NAV2: variants seen among roughly 807,000 people sequenced by gnomAD.
NAV2 encodes neuron navigator 2, also known as helicase, APC down-regulated 1.
NAV2 carries 54 observed loss-of-function variants against 223.2 expected under a neutral mutation model. That is an observed-to-expected ratio of 0.24 (90% CI 0.19 to 0.30). NAV2 has a LOEUF of 0.30. NAV2 is among the 10% of genes least tolerant of loss of function. The probability of loss-of-function intolerance (pLI) is 1.00; values close to 1 mark genes in which losing one functional copy is unlikely to be tolerated. For synonymous variants in NAV2, 1,279 were observed against 1,239.3 expected, an observed-to-expected ratio of 1.03 and a Z score of -0.67; for missense variants, 2,806 against 3,147.5, an observed-to-expected ratio of 0.89 and a Z score of 2.60.
At chr11:19,439,203 T>G (rs188639015) in intron 1 of NAV2, among the ~76,000 whole-genome samples, 3 of 152,288 alleles carry the variant, frequency 2.0e-5, no homozygotes, top group Non-Finnish European at 4.4e-5. Flanking sequence ...TTTTAGAAAC[T>G]CTCTGCCAGG....
At chr11:19,396,368 G>A (rs944502003) in intron 1 of NAV2, among the ~76,000 whole-genome samples, 1 of 152,158 alleles carries the variant, frequency 6.6e-6, no homozygotes, top group Non-Finnish European at 1.5e-5. Flanking sequence ...CCAGGACTCA[G>A]CCCAGTGGTG....
intron 1 of NAV2, among the ~76,000 whole-genome samples, chr11:19,449,703 C>A (rs1394441076): frequency 1.3e-5 from 2 of 152,092 alleles, no homozygotes; most frequent in African/African-American, 4.8e-5. Flanking sequence ...CTGCCTCCCT[C>A]ACCAGGTTGT....
intron 24 of NAV2, among the ~76,000 whole-genome samples, chr11:20,079,396 T>C (rs1235343058): frequency 6.6e-6 from 1 of 152,176 alleles, no homozygotes; most frequent in African/African-American, 2.4e-5. Context: ...GGCTAGAACC[T>C]GATGAGTTGG....
intron 1 of NAV2, among the ~76,000 whole-genome samples, chr11:19,449,642 C>T (rs1376933788): frequency 1.0e-3 from 25 of 24,620 alleles, no homozygotes; most frequent in East Asian, 2.2e-3. Context: ...GGTAGGGGCA[C>T]GGGGTGGGGT....
At chr11:19,870,252 G>C (rs1450961935) in intron 4 of NAV2, among the ~76,000 whole-genome samples, 1 of 152,096 alleles carries the variant, frequency 6.6e-6, no homozygotes, top group Non-Finnish European at 1.5e-5. Flanking sequence ...ATGCTTTGCT[G>C]GGGGGCGGGG....
At chr11:19,838,304 C>T (rs542197920) in intron 2 of NAV2, among the ~76,000 whole-genome samples, 1 of 152,244 alleles carries the variant, frequency 6.6e-6, no homozygotes, top group African/African-American at 2.4e-5. Context: ...CAGACCCGAC[C>T]TATGATGGAG....
At chr11:20,112,055 A>G (rs956283861) in intron 36 of NAV2, among the ~76,000 whole-genome samples, 1 of 152,190 alleles carries the variant, frequency 6.6e-6, no homozygotes, top group Admixed American at 6.5e-5. Context: ...GTTCAGCCTC[A>G]TGTGAGGTCT....
At chr11:19,888,889 A>G (rs1242362295) in intron 5 of NAV2, among the ~76,000 whole-genome samples, 1 of 152,118 alleles carries the variant, frequency 6.6e-6, no homozygotes, top group Non-Finnish European at 1.5e-5. Flanking sequence ...CCAACCTCCG[A>G]GATCTTCATT....
At chr11:19,701,948 G>A (rs2049521842) in intron 1 of NAV2, among the ~76,000 whole-genome samples, 1 of 152,140 alleles carries the variant, frequency 6.6e-6, no homozygotes, top group African/African-American at 2.4e-5. Context: ...ACAGCTTTTA[G>A]ACCATCCTTG....
At chr11:19,727,719 T>C (rs1174280838) in intron 1 of NAV2, among the ~76,000 whole-genome samples, 1 of 152,250 alleles carries the variant, frequency 6.6e-6, no homozygotes, top group Non-Finnish European at 1.5e-5. Flanking sequence ...CCTTTTTCCC[T>C]TGTTCTGTGT....
intron 1 of NAV2, among the ~76,000 whole-genome samples, chr11:19,756,098 C>T (rs1177450001): frequency 3.3e-5 from 5 of 152,190 alleles, no homozygotes; most frequent in South Asian, 4.1e-4. Context: ...CCTCAATCTC[C>T]TGTACAGCTC....
rs539543616 is a variant in NAV2, at chr11:19,648,945, T to C, written c.76-183539T>C. Among the ~76,000 whole-genome samples, 9 of 152,328 alleles carry C rather than the reference T, an allele frequency of 5.9e-5. 1 individual carries two copies. The South Asian group carries it at 1.9e-3, about 32-fold the overall frequency. ...ATCTTACTATGCTAATTATGGACAT[T>C]TTTAGTAGATTTTATTACACTTGAT... On this transcript the variant is annotated intron_variant, in intron 1 of 37. Transcript: ENST00000360655.
chr11:20,049,776 C>G, intron 15 of NAV2, 60 bp from the exon 16 acceptor site: 4 of 1,511,268 alleles, frequency 2.6e-6, no homozygotes, highest in Non-Finnish European at 9.2e-7. Context: ...TATAACAACA[C>G]CTCTCCTTTC....
chr11:19,374,309 G>GTTTTTTTTTTTTTTTTTTTTTTTTTTTTT (rs10533713), intron 1 of NAV2, among the ~76,000 whole-genome samples: 1 of 124,592 alleles, frequency 8.0e-6, no homozygotes. Context: ...TTCCGAAAAG[G>GTTTTTTTTTTTTTTTTTTTTTTTTTTTTT]TTTTTTTTTT....
intron 6 of NAV2, among the ~76,000 whole-genome samples, chr11:19,924,065 G>A (rs2044508738): frequency 6.6e-6 from 1 of 152,150 alleles, no homozygotes; most frequent in South Asian, 2.1e-4. Context: ...TACATTTGAT[G>A]TAAAGGGCGT....
At chr11:19,805,707 A>G (rs551374300) in intron 1 of NAV2, among the ~76,000 whole-genome samples, 1 of 152,322 alleles carries the variant, frequency 6.6e-6, no homozygotes, top group South Asian at 2.1e-4. Context: ...AACCATGTTT[A>G]TCTAGGTTCT....
intron 22 of NAV2, among the ~76,000 whole-genome samples, chr11:20,073,720 C>T (rs116566321): frequency 0.32 from 47,964 of 151,704 alleles, 8,324 homozygotes; most frequent in African/African-American, 0.46. Flanking sequence ...AGTTTGCTTA[C>T]GTAGAGCTGT....
chr11:19,408,573 A>G (rs1850001620), intron 1 of NAV2, among the ~76,000 whole-genome samples: 1 of 152,196 alleles, frequency 6.6e-6, no homozygotes, highest in Non-Finnish European at 1.5e-5. Flanking sequence ...TTTAGTGACA[A>G]AAGCAAACTG....
At chr11:19,637,632 G>A (rs2047542767) in intron 1 of NAV2, among the ~76,000 whole-genome samples, 1 of 152,250 alleles carries the variant, frequency 6.6e-6, no homozygotes, top group Admixed American at 6.5e-5. Flanking sequence ...TCATGCAGAA[G>A]GCAAAGGGAG....
Sources: allele counts gnomAD v4.1 joint callset (sites outside exome capture counted in the v4.1 genomes callset), GRCh38; gene constraint gnomAD v4.1.1; transcripts MANE v1.5; gene names NCBI Gene and HGNC (gene_info 2026-07-23, HGNC 2026-07-21).